The following THSD7A variants were observed in gnomAD, a reference collection of about 807,000 sequenced individuals.
The protein encoded by THSD7A is thrombospondin type-1 domain-containing protein 7A.
THSD7A carries 96 observed loss-of-function variants against 231.3 expected under a neutral mutation model. That is an observed-to-expected ratio of 0.41 (90% CI 0.35 to 0.49). The LOEUF (loss-of-function observed/expected upper bound fraction) is 0.49. Ranked by LOEUF, THSD7A falls within the 20% of genes least tolerant of loss-of-function variation. The pLI is 0.05. For synonymous variants in THSD7A, 940 were observed against 743.3 expected (o/e 1.26, Z -4.30); for missense variants, 2,290 against 2,070.2 (o/e 1.11, Z -2.06).
At chr7:11,793,618 A>G (rs1784029566) in intron 1 of THSD7A, among the ~76,000 whole-genome samples, 1 of 151,802 alleles carries the variant, frequency 6.6e-6, no homozygotes. Flanking sequence ...AAAGTACAAG[A>G]ATAATTATAA....
chr7:11,816,350 C>T (rs112807508), intron 1 of THSD7A, among the ~76,000 whole-genome samples: 3 of 152,294 alleles, frequency 2.0e-5, no homozygotes, highest in African/African-American at 7.2e-5. Context: ...TGTTTTTATA[C>T]AGATACATGT....
chr7:11,625,135 A>C (rs1170640819), intron 2 of THSD7A, among the ~76,000 whole-genome samples: 1 of 151,972 alleles, frequency 6.6e-6, no homozygotes, highest in Non-Finnish European at 1.5e-5. Flanking sequence ...ATTCTTACCC[A>C]TCTGTTAATG....
At chr7:11,700,216 A>G (rs111607152) in intron 1 of THSD7A, among the ~76,000 whole-genome samples, 5,451 of 151,288 alleles carry the variant, frequency 0.036, 349 homozygotes, top group African/African-American at 0.13. Context: ...ACCTCTTGTT[A>G]GATAAATTCC....
intron 4 of THSD7A, among the ~76,000 whole-genome samples, chr7:11,547,388 C>T (rs1010631471): frequency 3.9e-5 from 6 of 152,152 alleles, no homozygotes; most frequent in Admixed American, 6.6e-5. Flanking sequence ...CCCAACTGTA[C>T]GCTATCTTAA....
At chr7:11,576,669 A>T (rs998484733) in intron 4 of THSD7A, among the ~76,000 whole-genome samples, 1 of 152,226 alleles carries the variant, frequency 6.6e-6, no homozygotes, top group Non-Finnish European at 1.5e-5. Context: ...TAGCAATATC[A>T]TATGGTTCAA....
chr7:11,590,606 C>T lies in THSD7A; in HGVS notation c.1307G>A (p.Arg436His), dbSNP rs749046393. ...CTGCTGACTGAGCAAAGGGTCCACACGGCACTCAGTCCACTCTGTAGTTCT... is the reference window on the plus strand; with the variant it reads ...CTGCTGACTGAGCAAAGGGTCCACATGGCACTCAGTCCACTCTGTAGTTCT... ...GWRTTEWTEC[R>H]VDPLLSQQDK... The change falls in exon 4 of 28, where the codon CGT becomes CAT. Residue 436 changes from arginine to histidine, a missense_variant. Arg to His is a conservative substitution (Grantham distance 29). Coordinates refer to ENST00000423059, the MANE Select transcript of THSD7A (RefSeq NM_015204.3). This position sits in a 1 kb window ranked among gnomAD's most constrained non-coding sequence, Gnocchi z 4.4. 15 of 1,612,958 alleles carry T rather than the reference C, an allele frequency of 9.3e-6. No homozygotes were observed. Among genetic ancestry groups the T allele is most frequent in the East Asian group, 8.9e-5 (4 of 44,814 alleles).
chr7:11,677,584 C>CAAAAAAAAAA lies in THSD7A; in HGVS notation c.191-40633_191-40624dup, dbSNP rs553030554. Among the ~76,000 whole-genome samples the CAAAAAAAAAA allele has an allele frequency of 8.5e-4, 19 of 22,274 alleles. 2 individuals are homozygous for CAAAAAAAAAA. Among genetic ancestry groups the CAAAAAAAAAA allele is most frequent in the African/African-American group, 4.6e-3 (18 of 3,884 alleles). 14.6% of individuals were successfully genotyped at this position (22,274 alleles called of 152,430 possible). A position where few individuals can be genotyped will look rare whatever the true frequency, so the allele number is the denominator to read the frequency against. ...GAAGATTGACCAAGCAAATGGAAAGCAAAAAAAAAAAAAAAAAAAAAAAAA... is the reference window on the plus strand; with the variant it reads ...GAAGATTGACCAAGCAAATGGAAAGCAAAAAAAAAAAAAAAAAAAAAAAAAAAAAAAAAAA... On this transcript the variant is annotated intron_variant, in intron 1 of 27. Transcript: ENST00000423059.
rs1412325095 is a variant in THSD7A, at chr7:11,407,013, C to T, written c.3959G>A (p.Gly1320Asp). Residue 1320 changes from glycine (G) to aspartate (D), a missense_variant, in exon 21 of 28, where the codon GGT becomes GAT. Coordinates refer to ENST00000423059, the MANE Select transcript of THSD7A (RefSeq NM_015204.3). The part of the protein sequence containing the change: ...RRRTVTQPFQ[G>D]DGRPCPSLMD... ...CAGGGAAGGGCATGGTCTTCCATCA[C>T]CTTGAAAGGGCTGGGTCACTGTTCG... The T allele has an allele frequency of 1.2e-6, 2 of 1,613,854 alleles. No homozygotes were observed. Among genetic ancestry groups the T allele is most frequent in the East Asian group, 2.2e-5 (1 of 44,870 alleles).
intron 1 of THSD7A, among the ~76,000 whole-genome samples, chr7:11,724,683 C>T (rs1050728929): frequency 6.6e-6 from 1 of 151,904 alleles, no homozygotes; most frequent in Non-Finnish European, 1.5e-5. Context: ...TTAAGAAAAT[C>T]ATTTTAAAAT....
intron 11 of THSD7A, among the ~76,000 whole-genome samples, chr7:11,459,316 C>T (rs1307237847): frequency 6.6e-6 from 1 of 151,998 alleles, no homozygotes; most frequent in Non-Finnish European, 1.5e-5. Flanking sequence ...AACTCATGCT[C>T]ATTTTCATTA....
intron 4 of THSD7A, among the ~76,000 whole-genome samples, chr7:11,574,436 CTTT>C (rs535754264): frequency 1.4e-5 from 2 of 138,222 alleles, no homozygotes; most frequent in Non-Finnish European, 1.6e-5. Flanking sequence ...GAAACAAAAA[CTTT>C]TTTTTTTTTT....
At chr7:11,614,461 G>A (rs2128350119) in intron 2 of THSD7A, among the ~76,000 whole-genome samples, 1 of 152,320 alleles carries the variant, frequency 6.6e-6, no homozygotes, top group East Asian at 1.9e-4. Context: ...TTGAGTGGCT[G>A]ATCCAGAATG....
intron 1 of THSD7A, chr7:11,820,819 C>T (rs1000095626): frequency 2.0e-6 from 2 of 981,012 alleles, no homozygotes; most frequent in African/African-American, 1.6e-5. Flanking sequence ...CTCTCCGGTG[C>T]TTCTTCTGCT....
At chr7:11,648,013 A>G (rs1782348992) in intron 1 of THSD7A, among the ~76,000 whole-genome samples, 1 of 152,116 alleles carries the variant, frequency 6.6e-6, no homozygotes, top group Non-Finnish European at 1.5e-5. Flanking sequence ...AACACAGTCC[A>G]CAAAGATCTG....
chr7:11,830,413 C>A (rs1186422320), intron 1 of THSD7A, among the ~76,000 whole-genome samples: 1 of 152,208 alleles, frequency 6.6e-6, no homozygotes, highest in Non-Finnish European at 1.5e-5. Context: ...TATGAATGTG[C>A]TTTTAACAAG....
At chr7:11,451,356 T>G (rs1446106215) in intron 11 of THSD7A, among the ~76,000 whole-genome samples, 1 of 151,996 alleles carries the variant, frequency 6.6e-6, no homozygotes, top group African/African-American at 2.4e-5. Flanking sequence ...ATAATGCTAT[T>G]GTTATGTTAA....
intron 1 of THSD7A, among the ~76,000 whole-genome samples, chr7:11,730,980 C>A (rs1047171302): frequency 6.6e-6 from 1 of 151,634 alleles, no homozygotes; most frequent in East Asian, 1.9e-4. Flanking sequence ...CATACATAGT[C>A]TTATTTTGCA....
At position 11,416,182 on chromosome 7, in the gene THSD7A, T is replaced by C. The variant is rs183326610; in HGVS notation, c.3537+1268A>G. ...AAAAGATGCTTCACCAACTCTCTTT[T>C]ATAAATAATAGAGCCTCAATAATTC... On this transcript the variant is annotated intron_variant, in intron 17 of 27. Coordinates refer to ENST00000423059, the MANE Select transcript of THSD7A (RefSeq NM_015204.3). Among the ~76,000 whole-genome samples the C allele has an allele frequency of 7.9e-5, 12 of 152,304 alleles. No individual in the cohort carries two copies. The East Asian group carries it at 2.1e-3, about 27-fold the overall frequency.
chr7:11,755,654 G>T (rs1427746075), intron 1 of THSD7A, among the ~76,000 whole-genome samples: 3 of 152,066 alleles, frequency 2.0e-5, no homozygotes, highest in Non-Finnish European at 4.4e-5. Flanking sequence ...AATGCCAGCT[G>T]GAAGTACCTC....
Sources: gnomAD v4.1 joint callset for allele counts (sites outside exome capture counted in the v4.1 genomes callset) on GRCh38, gnomAD v4.1.1 for gene constraint, Gnocchi (gnomAD v3.1) non-coding constraint, MANE v1.5 for transcripts, NCBI Gene and HGNC (gene_info 2026-07-23, HGNC 2026-07-21) for gene names.